The following NBEA variants were observed in gnomAD, a reference collection of about 807,000 sequenced individuals.
NBEA encodes lysosomal-trafficking regulator 2.
Under a neutral mutation model 343.4 loss-of-function variants are expected in NBEA, and 44 were observed. That is an observed-to-expected ratio of 0.13 (90% CI 0.10 to 0.16). NBEA has a LOEUF of 0.16. Among genes scored for constraint, NBEA ranks in the 10% least tolerant of loss-of-function variants. NBEA has a pLI of 1.00. For synonymous variants in NBEA, 1,175 were observed against 1,238.7 expected (o/e 0.95, Z 1.08); for missense variants, 2,555 against 3,631.3 (o/e 0.70, Z 7.62).
At chr13:35,567,562 A>G (rs1486670033) in intron 45 of NBEA, among the ~76,000 whole-genome samples, 1 of 152,244 alleles carries the variant, frequency 6.6e-6, no homozygotes, top group Admixed American at 6.5e-5. Context: ...AGGAAACTAC[A>G]GTGTGATACT....
chr13:35,545,979 A>G (rs2079040693), intron 41 of NBEA, among the ~76,000 whole-genome samples: 1 of 152,216 alleles, frequency 6.6e-6, no homozygotes, highest in African/African-American at 2.4e-5. Context: ...CAAAATGCAC[A>G]TACTCTGTAC....
chr13:35,193,544 T>C (rs1421854376), intron 30 of NBEA, among the ~76,000 whole-genome samples: 1 of 151,926 alleles, frequency 6.6e-6, no homozygotes, highest in Non-Finnish European at 1.5e-5. Context: ...TTCTCATTTA[T>C]AGGGTTACTA....
intron 33 of NBEA, among the ~76,000 whole-genome samples, chr13:35,212,602 T>G (rs1488653825): frequency 6.6e-6 from 1 of 152,144 alleles, no homozygotes; most frequent in South Asian, 2.1e-4. Flanking sequence ...TACTAGATAA[T>G]GCAAAATGGT....
intron 36 of NBEA, among the ~76,000 whole-genome samples, chr13:35,318,130 A>G (rs1185329573): frequency 6.6e-6 from 1 of 152,146 alleles, no homozygotes. Context: ...AGAACTTCTG[A>G]TACTATGTTG....
intron 41 of NBEA, among the ~76,000 whole-genome samples, chr13:35,528,342 G>C (rs1388150891): frequency 6.6e-6 from 1 of 152,176 alleles, no homozygotes; most frequent in Non-Finnish European, 1.5e-5. Flanking sequence ...ATTCGTTTAA[G>C]TGCATTTACA....
chr13:35,201,388 T>C (rs1417211852), intron 31 of NBEA, among the ~76,000 whole-genome samples: 2 of 152,104 alleles, frequency 1.3e-5, no homozygotes, highest in East Asian at 1.9e-4. Flanking sequence ...TTTTACAAAA[T>C]AAGGAAGCAT....
chr13:35,539,943 G>A (rs1442306694), intron 41 of NBEA, among the ~76,000 whole-genome samples: 108 of 63,002 alleles, frequency 1.7e-3, no homozygotes, highest in Non-Finnish European at 2.3e-3. Context: ...AAAAAAAAAA[G>A]TGCACTAGTA....
chr13:35,444,570 G>A (rs1229840636), intron 39 of NBEA, among the ~76,000 whole-genome samples: 1 of 151,962 alleles, frequency 6.6e-6, no homozygotes, highest in Non-Finnish European at 1.5e-5. Flanking sequence ...GAAAAAGAAT[G>A]CCATCCTGTT....
chr13:35,415,458 C>T (rs1474777047), intron 38 of NBEA, among the ~76,000 whole-genome samples: 1 of 152,152 alleles, frequency 6.6e-6, no homozygotes, highest in East Asian at 1.9e-4. Context: ...ATATGGTTAG[C>T]CAGTTTTCCC....
At chr13:34,999,349 A>G (rs2061045134) in intron 1 of NBEA, among the ~76,000 whole-genome samples, 2 of 152,118 alleles carry the variant, frequency 1.3e-5, no homozygotes, top group African/African-American at 4.8e-5. Flanking sequence ...CTCCTTTTCA[A>G]TAAAAAAATT....
intron 48 of NBEA, among the ~76,000 whole-genome samples, chr13:35,619,794 G>A (rs537983139): frequency 6.6e-6 from 1 of 152,244 alleles, no homozygotes; most frequent in African/African-American, 2.4e-5. Context: ...CTATCTCTTG[G>A]AACTGCAGTG....
chr13:35,033,799 C>T (rs532583919), intron 1 of NBEA, among the ~76,000 whole-genome samples: 2 of 151,710 alleles, frequency 1.3e-5, no homozygotes, highest in East Asian at 3.9e-4. Context: ...ATTTCTTTTT[C>T]ACATTGTTCA....
At chr13:35,563,383 AT>A (rs995223446) in intron 44 of NBEA, among the ~76,000 whole-genome samples, 1 of 151,660 alleles carries the variant, frequency 6.6e-6, no homozygotes, top group African/African-American at 2.4e-5. Flanking sequence ...AATGAACAGT[AT>A]TTTTTTTCAT....
At chr13:35,476,871 G>A in intron 41 of NBEA, 5 of 918,912 alleles carry the variant, frequency 5.4e-6, no homozygotes, top group Non-Finnish European at 6.6e-6. Flanking sequence ...AACCACTCAG[G>A]CCACCTAGAC....
intron 40 of NBEA, among the ~76,000 whole-genome samples, chr13:35,463,063 GAAAAT>G (rs1427892400): frequency 6.6e-6 from 1 of 152,168 alleles, no homozygotes; most frequent in Non-Finnish European, 1.5e-5. Context: ...AGGAAAGTAA[GAAAAT>G]AAAGAGAGAA....
chr13:35,209,890 A>G lies in NBEA; in HGVS notation c.5521+1036A>G, dbSNP rs1166794353. Among the ~76,000 whole-genome samples, 3 of 152,100 alleles carry G rather than the reference A, an allele frequency of 2.0e-5. No homozygotes were observed. The East Asian group carries it at 5.8e-4, about 29-fold the overall frequency. On this transcript the variant is annotated intron_variant, in intron 32 of 58. Coordinates refer to ENST00000379939, the MANE Select transcript of NBEA (RefSeq NM_001385012.1). The stretch of plus-strand genomic sequence containing the variant: ...ATGGCATTGTGTCAAAGAATAGACC[A>G]TCTATTGTTTACCTGTATTATAAAT...
At chr13:35,431,939 C>T (rs541912743) in intron 38 of NBEA, among the ~76,000 whole-genome samples, 7 of 152,096 alleles carry the variant, frequency 4.6e-5, no homozygotes, top group East Asian at 3.9e-4. Flanking sequence ...ACCATTACTA[C>T]GGTGTAATTT....
chr13:35,375,407 G>C (rs2041682874), intron 38 of NBEA, among the ~76,000 whole-genome samples: 1 of 151,810 alleles, frequency 6.6e-6, no homozygotes, highest in Admixed American at 6.6e-5. Flanking sequence ...AATTTAAGAA[G>C]GTAACAATGT....
rs545721346 is a variant in NBEA, at chr13:34,978,329, C to T, written c.294+35215C>T. Among the ~76,000 whole-genome samples the T allele has an allele frequency of 1.5e-3, 233 of 152,212 alleles. 1 individual carries two copies. The highest frequency in any genetic ancestry group is 3.0e-3 in the Non-Finnish European group (205 of 68,010). On this transcript the variant is annotated intron_variant, in intron 1 of 58. Transcript: ENST00000379939. Reference sequence around the variant, plus strand: ...TTTATAGTGAACACCCATATATGTACCACCTAGAGTCTACAATTTACATTT... The same window carrying T: ...TTTATAGTGAACACCCATATATGTATCACCTAGAGTCTACAATTTACATTT...
Sources: allele counts gnomAD v4.1 joint callset (sites outside exome capture counted in the v4.1 genomes callset), GRCh38; gene constraint gnomAD v4.1.1; transcripts MANE v1.5; gene names NCBI Gene and HGNC (gene_info 2026-07-23, HGNC 2026-07-21).